Variants in TIPRL observed in about 807,000 individuals in gnomAD.
TIPRL encodes the protein TOR signaling pathway regulator.
TIPRL carries 10 observed loss-of-function variants against 32.3 expected under a neutral mutation model. That is an observed-to-expected ratio of 0.31 (90% CI 0.19 to 0.52). TIPRL has a LOEUF of 0.52. TIPRL is among the 20% of genes least tolerant of loss of function. The probability of loss-of-function intolerance (pLI) is 0.96; values close to 1 mark genes in which losing one functional copy is unlikely to be tolerated. For missense variants in TIPRL, 250 were observed against 328.1 expected (o/e 0.76, Z 1.84); for synonymous variants, 100 against 114.0 (o/e 0.88, Z 0.78).
Position 168,201,500 on chromosome 1 carries a change from A to G in TIPRL, c.*1454A>G, listed in dbSNP as rs1284490136. 6.6e-6 allele frequency: 1 copy of G among 152,050 alleles called. No individual in the cohort carries two copies. Among genetic ancestry groups the G allele is most frequent in the Non-Finnish European group, 1.5e-5 (1 of 67,964 alleles). The allele number at this position is 152,050 out of a possible 1,614,324, so 9.4% of individuals were successfully genotyped here. On this transcript the variant is annotated 3_prime_UTR_variant, in exon 7 of 7. Transcript: ENST00000367833. The stretch of plus-strand genomic sequence containing the variant: ...TTGATATTTGTCTTCTGCCTTCTGT[A>G]TCACCTCCAAGCTATAGGAAATCAG...
At chr1:168,179,609 C>T (rs1260501747) in intron 1 of TIPRL, among the ~76,000 whole-genome samples, 4 of 141,226 alleles carry the variant, frequency 2.8e-5, no homozygotes, top group Non-Finnish European at 6.0e-5. Context: ...CAACGTGCGC[C>T]TCAATTCACA....
Position 168,201,252 on chromosome 1 carries a change from G to C in TIPRL, c.*1206G>C, listed in dbSNP as rs1700204923. On this transcript the variant is annotated 3_prime_UTR_variant, in exon 7 of 7. Transcript: ENST00000367833. ...AAAAATATTTTTTTGAAGGGCAGGG[G>C]GAAAATTCACCCCTTTTCTGATTTG... The C allele has an allele frequency of 6.6e-6, 1 of 151,914 alleles. No homozygotes were observed. Among genetic ancestry groups the C allele is most frequent in the Non-Finnish European group, 1.5e-5 (1 of 67,942 alleles). The allele number at this position is 151,914 out of a possible 1,614,324, so 9.4% of individuals were successfully genotyped here.
At chr1:168,199,101 A>C in intron 6 of TIPRL, 120 bp downstream of exon 6, 2 of 670,524 alleles carry the variant, frequency 3.0e-6, no homozygotes, top group Non-Finnish European at 2.6e-6. Context: ...CATTCACCTA[A>C]TGGGGCTCTA....
chr1:168,184,566 A>G (rs1411181539), intron 2 of TIPRL, among the ~76,000 whole-genome samples: 1 of 152,240 alleles, frequency 6.6e-6, no homozygotes, highest in Non-Finnish European at 1.5e-5. Context: ...CTCAGGCTGT[A>G]TACAGACTAA....
At chr1:168,183,261 C>A (rs1463541333) in intron 1 of TIPRL, among the ~76,000 whole-genome samples, 1 of 151,736 alleles carries the variant, frequency 6.6e-6, no homozygotes, top group African/African-American at 2.4e-5. Context: ...TAAGTAAAGC[C>A]ATTATAAGTA....
chr1:168,199,384 G>A (rs1191831655), intron 6 of TIPRL, among the ~76,000 whole-genome samples: 1 of 116,044 alleles, frequency 8.6e-6, no homozygotes, highest in East Asian at 2.6e-4. Context: ...GTTTGTTTTG[G>A]CATCATTTTT....
rs761453717 is a variant in TIPRL at position 168,200,089 on chromosome 1, C to T, written c.*43C>T. ...ACTCACTATGGAATCTGACTGGACA[C>T]CTTGGCTATTTGTAAGGGGTTATTT... On this transcript the variant is annotated 3_prime_UTR_variant, in exon 7 of 7. Transcript: ENST00000367833. The T allele has an allele frequency of 2.3e-5, 37 of 1,588,590 alleles. No individual in the cohort carries two copies. Among genetic ancestry groups the T allele is most frequent in the South Asian group, 2.3e-4 (20 of 87,548 alleles).
At chr1:168,199,253 C>A (rs1700185746) in intron 6 of TIPRL, among the ~76,000 whole-genome samples, 1 of 152,142 alleles carries the variant, frequency 6.6e-6, no homozygotes, top group Non-Finnish European at 1.5e-5. Context: ...GTGTGACTTA[C>A]TCTGAGTCAC....
At chr1:168,179,485 T>G (rs1398327462) in intron 1 of TIPRL, among the ~76,000 whole-genome samples, 1 of 152,084 alleles carries the variant, frequency 6.6e-6, no homozygotes, top group Non-Finnish European at 1.5e-5. Context: ...CCACCTTTCT[T>G]TCTGGGTGGC....
At chr1:168,183,286 A>G (rs1358032358) in intron 1 of TIPRL, among the ~76,000 whole-genome samples, 1 of 151,244 alleles carries the variant, frequency 6.6e-6, no homozygotes, top group Admixed American at 6.6e-5. Flanking sequence ...TGTGTATAAT[A>G]TTTTTCTGTA....
intron 5 of TIPRL, among the ~76,000 whole-genome samples, chr1:168,197,961 C>T (rs556231825): frequency 6.6e-6 from 1 of 151,942 alleles, no homozygotes; most frequent in South Asian, 2.1e-4. Flanking sequence ...TGAATATTCA[C>T]AGTAGTATTG....
chr1:168,191,412 C>A lies in TIPRL; in HGVS notation c.428C>A (p.Ala143Asp). The A allele has an allele frequency of 6.5e-7, 1 of 1,531,422 alleles. No individual in the cohort carries two copies. Among genetic ancestry groups the A allele is most frequent in the South Asian group, 1.3e-5 (1 of 75,330 alleles). 94.9% of individuals were successfully genotyped at this position (1,531,422 alleles called of 1,614,324 possible). A position where few individuals can be genotyped will look rare whatever the true frequency, so the allele number is the denominator to read the frequency against. Residue 143 changes from alanine (A) to aspartate (D), a missense_variant, in exon 4 of 7, where the codon GCC becomes GAC. Coordinates refer to ENST00000367833, the MANE Select transcript of TIPRL (RefSeq NM_152902.5). ...TDHIDTEKLK[A>D]REQIKFFEEV... ...CATATAGATACAGAAAAATTGAAAG[C>A]CAGAGAACAGATTAAGTTTTTTGAA...
chr1:168,185,228 G>A (rs991443528), intron 3 of TIPRL, among the ~76,000 whole-genome samples: 2 of 152,178 alleles, frequency 1.3e-5, no homozygotes, highest in Non-Finnish European at 2.9e-5. Context: ...CAAGTTTATA[G>A]ATGAACAAAT....
At chr1:168,185,112 G>A (rs1700011110) in intron 3 of TIPRL, among the ~76,000 whole-genome samples, 1 of 152,230 alleles carries the variant, frequency 6.6e-6, no homozygotes, top group African/African-American at 2.4e-5. Flanking sequence ...GGCAACGGCA[G>A]ACGGCCTTGT....
At chr1:168,179,359 T>A (rs1219142734) in intron 1 of TIPRL, among the ~76,000 whole-genome samples, 178 bp downstream of exon 1, 2 of 152,162 alleles carry the variant, frequency 1.3e-5, no homozygotes, top group African/African-American at 4.8e-5. Flanking sequence ...GGCCCTTTGG[T>A]TGGGGATCGC....
At position 168,184,064 on chromosome 1, in the gene TIPRL, A is replaced by C; in HGVS notation, c.267A>C (p.Glu89Asp). ...GAATGCTTAAAGTGGCCTGTGCTGAAGAGTGGCAAGAAAGCAGGTGAGAAT... is the reference window on the plus strand; with the variant it reads ...GAATGCTTAAAGTGGCCTGTGCTGACGAGTGGCAAGAAAGCAGGTGAGAAT... ...YQGMLKVACAEEWQESRTEGE... is the reference protein window; with the variant it reads ...YQGMLKVACADEWQESRTEGE... Residue 89 changes from glutamate (E) to aspartate (D), a missense_variant, in exon 2 of 7, where the codon GAA becomes GAC. Coordinates refer to ENST00000367833, the MANE Select transcript of TIPRL (RefSeq NM_152902.5). The C allele has an allele frequency of 1.2e-6, 2 of 1,609,352 alleles. No individual in the cohort carries two copies. The highest frequency in any genetic ancestry group is 1.7e-6 in the Non-Finnish European group (2 of 1,176,152).
rs1343779398 is a variant in TIPRL at position 168,200,886 on chromosome 1, C to CA, written c.*843dup. The CA allele has an allele frequency of 7.9e-5, 12 of 152,156 alleles. No individual in the cohort carries two copies. The highest frequency in any genetic ancestry group is 5.2e-4 in the Admixed American group (8 of 15,274). The allele number at this position is 152,156 out of a possible 1,614,324, so 9.4% of individuals were successfully genotyped here. The stretch of plus-strand genomic sequence containing the variant: ...AGGGTTTATTAGGGGTTGTTTTTCG[C>CA]AAATATTACATCAATCCTTAAAGCA... On this transcript the variant is annotated 3_prime_UTR_variant, in exon 7 of 7. Transcript: ENST00000367833.
At chr1:168,194,833 A>C (rs984468945) in intron 4 of TIPRL, among the ~76,000 whole-genome samples, 11 of 152,222 alleles carry the variant, frequency 7.2e-5, no homozygotes, top group African/African-American at 2.7e-4. Flanking sequence ...TAAGCAATAG[A>C]GATGTGGTGA....
intron 4 of TIPRL, among the ~76,000 whole-genome samples, chr1:168,193,385 A>C (rs886154116): frequency 6.6e-6 from 1 of 152,126 alleles, no homozygotes; most frequent in African/African-American, 2.4e-5. Flanking sequence ...AATATATATC[A>C]TTATTCTAGC....
Sources: allele counts gnomAD v4.1 joint callset (sites outside exome capture counted in the v4.1 genomes callset), GRCh38; gene constraint gnomAD v4.1.1; transcripts MANE v1.5; gene names NCBI Gene and HGNC (gene_info 2026-07-23, HGNC 2026-07-21).